The following DIP2B variants were observed in gnomAD, a reference collection of about 807,000 sequenced individuals.
The protein encoded by DIP2B is disco-interacting protein 2 homolog B.
DIP2B carries 76 observed loss-of-function variants against 198.0 expected under a neutral mutation model. The observed-to-expected ratio is 0.38, with a 90% CI of 0.32 to 0.46. DIP2B has a LOEUF of 0.46. Among genes scored for constraint, DIP2B ranks in the 20% least tolerant of loss-of-function variants. The pLI, the probability that DIP2B is intolerant of heterozygous loss-of-function variation, is 0.99. For synonymous variants in DIP2B, 701 were observed against 739.1 expected (o/e 0.95, Z 0.84); for missense variants, 1,559 against 1,978.4 (o/e 0.79, Z 4.02).
chr12:50,538,516 A>G (rs1333706420), intron 1 of DIP2B, among the ~76,000 whole-genome samples: 3 of 152,170 alleles, frequency 2.0e-5, no homozygotes, highest in Admixed American at 6.5e-5. Flanking sequence ...TAGTTCCTGT[A>G]GTTAATAGTG....
At chr12:50,524,193 C>A (rs1958143369) in intron 1 of DIP2B, among the ~76,000 whole-genome samples, 1 of 152,186 alleles carries the variant, frequency 6.6e-6, no homozygotes, top group Admixed American at 6.5e-5. Context: ...TCTTTCCATG[C>A]CGAGTCACTG....
chr12:50,580,761 A>G (rs1011367017), intron 1 of DIP2B, among the ~76,000 whole-genome samples: 2 of 148,580 alleles, frequency 1.3e-5, no homozygotes, highest in Non-Finnish European at 2.9e-5. Flanking sequence ...TGAAATTGCT[A>G]CTGGCATTTA....
intron 4 of DIP2B, among the ~76,000 whole-genome samples, chr12:50,667,320 C>T (rs1456986389): frequency 6.6e-6 from 1 of 152,002 alleles, no homozygotes; most frequent in Admixed American, 6.6e-5. Flanking sequence ...GTTGCGTATT[C>T]GTTATATATA....
chr12:50,606,048 C>T (rs942113377), intron 1 of DIP2B, among the ~76,000 whole-genome samples: 1 of 152,050 alleles, frequency 6.6e-6, no homozygotes, highest in Non-Finnish European at 1.5e-5. Flanking sequence ...GCTTTGAACT[C>T]CTGGCCTCAA....
chr12:50,607,418 C>T (rs1958992927), intron 1 of DIP2B, among the ~76,000 whole-genome samples: 1 of 152,172 alleles, frequency 6.6e-6, no homozygotes, highest in Non-Finnish European at 1.5e-5. Context: ...AATGGAAGAT[C>T]TAGACATTTT....
intron 1 of DIP2B, among the ~76,000 whole-genome samples, chr12:50,598,285 T>C (rs1565838969): frequency 6.6e-6 from 1 of 152,286 alleles, no homozygotes; most frequent in East Asian, 1.9e-4. Flanking sequence ...TCACAAGATG[T>C]GGCCTTCTTG....
At chr12:50,564,916 T>G (rs1290197213) in intron 1 of DIP2B, among the ~76,000 whole-genome samples, 1 of 152,218 alleles carries the variant, frequency 6.6e-6, no homozygotes, top group African/African-American at 2.4e-5. Flanking sequence ...CCTGAGTCCA[T>G]CATTATATAT....
chr12:50,514,951 C>T (rs960012392), intron 1 of DIP2B, among the ~76,000 whole-genome samples: 4 of 152,140 alleles, frequency 2.6e-5, no homozygotes, highest in Non-Finnish European at 5.9e-5. Flanking sequence ...AGCCACCATG[C>T]CCAGCCTTCC....
intron 1 of DIP2B, among the ~76,000 whole-genome samples, chr12:50,594,664 T>C (rs1958863208): frequency 6.6e-6 from 1 of 152,222 alleles, no homozygotes. Flanking sequence ...ATGATCAGAT[T>C]ATTAATTGAG....
At chr12:50,675,990 G>A (rs1180553656) in intron 7 of DIP2B, among the ~76,000 whole-genome samples, 1 of 152,168 alleles carries the variant, frequency 6.6e-6, no homozygotes, top group Non-Finnish European at 1.5e-5. Flanking sequence ...CTTAGTTTAA[G>A]TATTAAGTAT....
chr12:50,671,095 G>A, intron 4 of DIP2B, 91 bp from the exon 5 acceptor site: 3 of 1,250,326 alleles, frequency 2.4e-6, no homozygotes, highest in Non-Finnish European at 2.2e-6. Flanking sequence ...TTTTGCTGGT[G>A]TCGAAACTGA....
chr12:50,592,441 G>C (rs1360780765), intron 1 of DIP2B, among the ~76,000 whole-genome samples: 5 of 151,976 alleles, frequency 3.3e-5, no homozygotes, highest in Non-Finnish European at 7.4e-5. Flanking sequence ...ATAGTTATCA[G>C]CCACTGCGCC....
intron 1 of DIP2B, among the ~76,000 whole-genome samples, chr12:50,588,406 T>C (rs1425991806): frequency 6.6e-6 from 1 of 152,090 alleles, no homozygotes; most frequent in Non-Finnish European, 1.5e-5. Flanking sequence ...TGCCTCAGCC[T>C]CCCAAAGTGC....
At chr12:50,723,523 A>T (rs995919111) in intron 27 of DIP2B, among the ~76,000 whole-genome samples, 200 bp downstream of exon 27, 4 of 152,208 alleles carry the variant, frequency 2.6e-5, no homozygotes, top group African/African-American at 9.6e-5. Flanking sequence ...TATTGGTGAG[A>T]TACAGAATTG....
Position 50,706,580 on chromosome 12 carries a change from A to G in DIP2B, c.2449A>G (p.Met817Val), listed in dbSNP as rs779365146. The change falls in exon 21 of 38, where the codon ATG becomes GTG. Residue 817 changes from methionine (M) to valine (V), a missense_variant. Physicochemically the swap from Met to Val is conservative, Grantham distance 21. Transcript: ENST00000301180. ...GGTTGGGAAAATGGATGGCTTACTG[A>G]TGGTTAGTGGTCGAAGACATAATGC... ...FVVGKMDGLL[M>V]VSGRRHNADD... 8 of 1,613,972 alleles carry G rather than the reference A, an allele frequency of 5.0e-6. No homozygotes were observed. In the East Asian group the frequency reaches 1.8e-4, roughly 36 times the overall value.
At chr12:50,699,484 A>G (rs528248117) in intron 19 of DIP2B, among the ~76,000 whole-genome samples, 1 of 152,300 alleles carries the variant, frequency 6.6e-6, no homozygotes, top group South Asian at 2.1e-4. Flanking sequence ...TGTTTTATAA[A>G]GTGCTTAGAA....
chr12:50,714,385 A>G lies in DIP2B; in HGVS notation c.2650-10A>G, dbSNP rs201185588. ...GATCTCACTGAGTATTTTTGTTTGT[A>G]TTTTTCTAGGCGATCGATAGCATTC... On this transcript the variant is annotated splice_polypyrimidine_tract_variant and intron_variant, in intron 22 of 37. Transcript: ENST00000301180. The G allele has an allele frequency of 3.0e-4, 490 of 1,614,050 alleles. 2 individuals are homozygous for G. In the Middle Eastern group the frequency reaches 8.3e-3, roughly 27 times the overall value.
Position 50,505,031 on chromosome 12 carries a change from T to A in DIP2B, c.-110T>A. The A allele has an allele frequency of 1.2e-6, 1 of 846,080 alleles. No homozygotes were observed. Among genetic ancestry groups the A allele is most frequent in the Non-Finnish European group, 1.8e-6 (1 of 555,720 alleles). The allele number at this position is 846,080 out of a possible 1,614,324, so 52.4% of individuals were successfully genotyped here. A position where few individuals can be genotyped will look rare whatever the true frequency, so the allele number is the denominator to read the frequency against. On this transcript the variant is annotated 5_prime_UTR_variant, in exon 1 of 38. Transcript: ENST00000301180. ...GCGGCGGCGGCGGCGGCGGTGCTGG[T>A]GGTGCTCGGCGGCCGGAGCCGGATC...
chr12:50,679,962 T>G (rs1055742115), intron 8 of DIP2B: 1 of 152,168 alleles, frequency 6.6e-6, no homozygotes, highest in Admixed American at 6.5e-5. Context: ...TATTTGTAAA[T>G]TTTTTAAAAA....
Sources: gnomAD v4.1 joint callset for allele counts (sites outside exome capture counted in the v4.1 genomes callset) on GRCh38, gnomAD v4.1.1 for gene constraint, MANE v1.5 for transcripts, NCBI Gene and HGNC (gene_info 2026-07-23, HGNC 2026-07-21) for gene names.